TPST1: variants seen among roughly 807,000 people sequenced by gnomAD.
TPST1 encodes tyrosylprotein sulfotransferase 1, also known as protein-tyrosine sulfotransferase 1.
Under a neutral mutation model 34.8 loss-of-function variants are expected in TPST1, and 20 were observed. The ratio of observed to expected loss-of-function variants is 0.57; its 90% CI spans 0.40 to 0.84. The LOEUF (loss-of-function observed/expected upper bound fraction) is 0.84, where lower values mean the gene tolerates loss of function less well. Among genes scored for constraint, TPST1 ranks in the 40% least tolerant of loss-of-function variants. TPST1 has a pLI of 0.00. For synonymous variants in TPST1, 152 were observed against 159.4 expected, an observed-to-expected ratio of 0.95 and a Z score of 0.35; for missense variants, 353 against 455.5, an observed-to-expected ratio of 0.78 and a Z score of 2.05.
chr7:66,234,428 C>CACACACACACACACACAG (rs757230640), intron 1 of TPST1, among the ~76,000 whole-genome samples: 2 of 150,412 alleles, frequency 1.3e-5, no homozygotes, highest in Non-Finnish European at 3.0e-5. Context: ...CACACACACA[C>CACACACACACACACACAG]ACAGACACAC....
chr7:66,353,774 C>T (rs1457597832), intron 4 of TPST1, among the ~76,000 whole-genome samples: 1 of 152,194 alleles, frequency 6.6e-6, no homozygotes, highest in Non-Finnish European at 1.5e-5. Context: ...CAGTTTTGAA[C>T]TCAGTTTCTG....
At chr7:66,282,871 C>T (rs903431893) in intron 2 of TPST1, among the ~76,000 whole-genome samples, 4 of 152,232 alleles carry the variant, frequency 2.6e-5, no homozygotes, top group South Asian at 2.1e-4. Context: ...TTCTTGAACC[C>T]GATAAGTGCA....
At chr7:66,268,464 C>T (rs538286028) in intron 2 of TPST1, among the ~76,000 whole-genome samples, 4 of 152,086 alleles carry the variant, frequency 2.6e-5, no homozygotes, top group East Asian at 3.9e-4. Context: ...CCAAACATAT[C>T]GGAATTTAAG....
chr7:66,230,470 C>T (rs1789758201), intron 1 of TPST1, among the ~76,000 whole-genome samples: 2 of 152,230 alleles, frequency 1.3e-5, no homozygotes, highest in East Asian at 3.9e-4. Context: ...TTCGGAGTTT[C>T]TTCCTTCTGG....
intron 2 of TPST1, among the ~76,000 whole-genome samples, chr7:66,249,211 TC>T (rs1261839832): frequency 6.6e-6 from 1 of 151,756 alleles, no homozygotes; most frequent in Non-Finnish European, 1.5e-5. Flanking sequence ...TTAAAAAAAT[TC>T]TTTTTTTTTT....
chr7:66,240,354 C>CAGACCAGACCAGACA lies in TPST1; in HGVS notation c.-72_-71insAGACCAGACCAGACA, dbSNP rs1790002770. 3 of 1,534,242 alleles carry CAGACCAGACCAGACA rather than the reference C, an allele frequency of 2.0e-6. No individual in the cohort carries two copies. Among genetic ancestry groups the CAGACCAGACCAGACA allele is most frequent in the Non-Finnish European group, 2.6e-6 (3 of 1,136,758 alleles). On this transcript the variant is annotated 5_prime_UTR_variant, in exon 2 of 6. Transcript: ENST00000304842. The stretch of plus-strand genomic sequence containing the variant: ...TGGTTATCTTTCTGAAGTAGACTGT[C>CAGACCAGACCAGACA]CATGGCCTGAACATTTTCCGAAAAT...
At chr7:66,340,376 T>C (rs2116324172) in intron 3 of TPST1, among the ~76,000 whole-genome samples, 1 of 152,230 alleles carries the variant, frequency 6.6e-6, no homozygotes, top group African/African-American at 2.4e-5. Context: ...ACTTAGTACT[T>C]GAGGTCCTAG....
At chr7:66,231,662 C>T (rs1038976443) in intron 1 of TPST1, among the ~76,000 whole-genome samples, 3 of 152,238 alleles carry the variant, frequency 2.0e-5, no homozygotes, top group African/African-American at 2.4e-5. Context: ...CACGCCCACC[C>T]GGAACTCCAG....
chr7:66,227,899 A>G (rs932467862), intron 1 of TPST1, among the ~76,000 whole-genome samples: 1 of 152,184 alleles, frequency 6.6e-6, no homozygotes, highest in Non-Finnish European at 1.5e-5. Flanking sequence ...AAATACAAGA[A>G]TAGTTATCAT....
At chr7:66,208,869 A>C (rs1789186503) in intron 1 of TPST1, among the ~76,000 whole-genome samples, 1 of 152,228 alleles carries the variant, frequency 6.6e-6, no homozygotes, top group Non-Finnish European at 1.5e-5. Context: ...TTGTATCTCC[A>C]GTTTCTAGCA....
At chr7:66,300,173 G>A (rs1036735267) in intron 3 of TPST1, among the ~76,000 whole-genome samples, 3 of 152,202 alleles carry the variant, frequency 2.0e-5, no homozygotes, top group African/African-American at 7.2e-5. Flanking sequence ...ATTCAGGGTG[G>A]TGGTTGCTAA....
intron 2 of TPST1, among the ~76,000 whole-genome samples, chr7:66,285,540 C>G (rs1248411302): frequency 6.6e-6 from 1 of 152,070 alleles, no homozygotes; most frequent in African/African-American, 2.4e-5. Context: ...AGCAGATCCC[C>G]TTTAGGAGAC....
At chr7:66,339,100 A>C (rs1191694819) in intron 3 of TPST1, among the ~76,000 whole-genome samples, 1 of 119,374 alleles carries the variant, frequency 8.4e-6, no homozygotes, top group Non-Finnish European at 1.7e-5. Flanking sequence ...CAGAAGACTA[A>C]GTGTTGGGGG....
chr7:66,220,186 T>C (rs1789513296), intron 1 of TPST1, among the ~76,000 whole-genome samples: 1 of 152,130 alleles, frequency 6.6e-6, no homozygotes. Context: ...ATTGAGAAAG[T>C]TTTAGCAGGA....
At chr7:66,225,898 T>A (rs1789645322) in intron 1 of TPST1, among the ~76,000 whole-genome samples, 1 of 152,174 alleles carries the variant, frequency 6.6e-6, no homozygotes, top group Non-Finnish European at 1.5e-5. Context: ...TTTTTGTTTT[T>A]GTTTTTGAGA....
chr7:66,223,850 T>C (rs1455719790), intron 1 of TPST1, among the ~76,000 whole-genome samples: 1 of 152,218 alleles, frequency 6.6e-6, no homozygotes, highest in Admixed American at 6.5e-5. Context: ...ACATTCCTGC[T>C]CTCAGATATT....
intron 3 of TPST1, among the ~76,000 whole-genome samples, chr7:66,317,728 T>G (rs970388201): frequency 2.0e-5 from 3 of 152,198 alleles, no homozygotes; most frequent in Middle Eastern, 3.2e-3. Context: ...AAACTATATT[T>G]TCAAATGCTT....
chr7:66,318,953 A>G (rs940596602), intron 3 of TPST1, among the ~76,000 whole-genome samples: 4 of 152,218 alleles, frequency 2.6e-5, no homozygotes, highest in African/African-American at 7.2e-5. Context: ...AGAAGTTACT[A>G]TCAGCGTAGT....
rs545528496 is a variant in TPST1, at chr7:66,308,955, A to G, written c.1044+22246A>G. Among the ~76,000 whole-genome samples, 159 of 152,264 alleles carry G rather than the reference A, an allele frequency of 1.0e-3. 1 individual carries two copies. The highest frequency in any genetic ancestry group is 1.9e-3 in the Non-Finnish European group (128 of 68,014). On this transcript the variant is annotated intron_variant, in intron 3 of 5. Transcript: ENST00000304842. Reference sequence around the variant, plus strand: ...CTCCTGTTGCCCAAGCTGGAGTGCAATGGCACTGTCTCAGCTCATTGCAAC... The same window carrying G: ...CTCCTGTTGCCCAAGCTGGAGTGCAGTGGCACTGTCTCAGCTCATTGCAAC...
Sources: allele counts gnomAD v4.1 joint callset (sites outside exome capture counted in the v4.1 genomes callset), GRCh38; gene constraint gnomAD v4.1.1; transcripts MANE v1.5; gene names NCBI Gene and HGNC (gene_info 2026-07-23, HGNC 2026-07-21).